PATJ: variants seen among roughly 807,000 people sequenced by gnomAD.
The protein encoded by PATJ is inaD-like protein.
PATJ carries 190 observed loss-of-function variants against 224.9 expected under a neutral mutation model. The ratio of observed to expected loss-of-function variants is 0.84; its 90% CI spans 0.75 to 0.95. PATJ has a LOEUF of 0.95. Ranked by LOEUF, PATJ falls within the 40% of genes least tolerant of loss-of-function variation. The pLI, the probability that PATJ is intolerant of heterozygous loss-of-function variation, is 0.00. For synonymous variants in PATJ, 769 were observed against 820.3 expected (o/e 0.94, Z 1.07); for missense variants, 2,121 against 2,270.3 (o/e 0.93, Z 1.34).
chr1:62,002,709 CAA>C (rs766357883), intron 28 of PATJ, among the ~76,000 whole-genome samples: 9,553 of 112,316 alleles, frequency 0.085, 659 homozygotes, highest in East Asian at 0.46. Flanking sequence ...AACTCTGTCT[CAA>C]AAAAAAAAAA....
At chr1:61,816,790 C>T (rs996438172) in intron 14 of PATJ, among the ~76,000 whole-genome samples, 1 of 152,082 alleles carries the variant, frequency 6.6e-6, no homozygotes, top group Non-Finnish European at 1.5e-5. Context: ...AAGTGGAGAA[C>T]GTAAGACACA....
At chr1:61,894,272 C>CAAA (rs1553194681) in intron 22 of PATJ, among the ~76,000 whole-genome samples, 9 of 144,682 alleles carry the variant, frequency 6.2e-5, no homozygotes, top group East Asian at 2.0e-4. Flanking sequence ...AAAAAAAACA[C>CAAA]AAAAAAAAAA....
At chr1:62,122,179 A>G (rs1392458897) in intron 38 of PATJ, among the ~76,000 whole-genome samples, 2 of 151,822 alleles carry the variant, frequency 1.3e-5, no homozygotes, top group African/African-American at 4.8e-5. Context: ...AGCCTGGCCA[A>G]CATGGAGAAA....
At position 62,055,389 on chromosome 1, in the gene PATJ, A is replaced by G. The variant is rs530214956; in HGVS notation, c.4125+4331A>G. The stretch of plus-strand genomic sequence containing the variant: ...ATATAATATGCTCTTTTGAAGTGGT[A>G]TAATTAAATTAGTAAGAGTGCAATC... On this transcript the variant is annotated intron_variant, in intron 31 of 43. Coordinates refer to ENST00000642238, the MANE Select transcript of PATJ (RefSeq NM_001350145.3). Among the ~76,000 whole-genome samples the G allele has an allele frequency of 5.9e-5, 9 of 152,338 alleles. No individual in the cohort carries two copies. In the South Asian group the frequency reaches 1.9e-3, roughly 32 times the overall value.
intron 27 of PATJ, among the ~76,000 whole-genome samples, chr1:61,940,204 A>G (rs917277013): frequency 6.6e-6 from 1 of 152,154 alleles, no homozygotes; most frequent in Admixed American, 6.5e-5. Context: ...AGCAAGTCGC[A>G]TCTATTTCCT....
intron 14 of PATJ, among the ~76,000 whole-genome samples, chr1:61,817,911 G>C (rs984229526): frequency 6.6e-6 from 1 of 152,078 alleles, no homozygotes; most frequent in Admixed American, 6.5e-5. Context: ...TTGTGTGTGA[G>C]AGTTACAAGA....
At chr1:61,929,698 G>A (rs1185338471) in intron 27 of PATJ, among the ~76,000 whole-genome samples, 1 of 152,110 alleles carries the variant, frequency 6.6e-6, no homozygotes, top group African/African-American at 2.4e-5. Context: ...ATCGATACTT[G>A]CTGTTACTTA....
intron 14 of PATJ, among the ~76,000 whole-genome samples, chr1:61,820,638 G>A (rs950437847): frequency 3.9e-5 from 6 of 152,126 alleles, no homozygotes; most frequent in African/African-American, 9.7e-5. Context: ...TACCACACCC[G>A]GCCTACATTT....
Position 62,125,258 on chromosome 1 carries a change from AAAAAAC to A in PATJ, c.5043+2206_5043+2211del, listed in dbSNP as rs1456746977. On this transcript the variant is annotated intron_variant, in intron 39 of 43. Transcript: ENST00000642238. ...TCTCAAAAAAAAAAAAAAAAACAAA[AAAAAAC>A]AAAAAAAAAACGCCATTAGCTCTAT... Among the ~76,000 whole-genome samples, 247 of 116,516 alleles carry A rather than the reference AAAAAAC, an allele frequency of 2.1e-3. 27 individuals are homozygous for A. Among genetic ancestry groups the A allele is most frequent in the African/African-American group, 6.9e-3 (196 of 28,406 alleles). 76.4% of individuals were successfully genotyped at this position (116,516 alleles called of 152,430 possible).
chr1:61,838,193 G>A (rs575689601), intron 17 of PATJ, among the ~76,000 whole-genome samples: 11 of 152,176 alleles, frequency 7.2e-5, no homozygotes, highest in South Asian at 2.1e-4. Context: ...TCTCAAATAC[G>A]CCTAGCCACT....
intron 27 of PATJ, among the ~76,000 whole-genome samples, chr1:61,974,002 T>G (rs943614777): frequency 6.6e-6 from 1 of 151,878 alleles, no homozygotes; most frequent in African/African-American, 2.4e-5. Context: ...TTTTTTTTCT[T>G]TTTTAAATGG....
rs1342142560 is a variant in PATJ, at chr1:61,998,004, T to TATATATATATA, written c.3867+7640_3867+7641insATATATATATA. Among the ~76,000 whole-genome samples, 125 of 104,600 alleles carry TATATATATATA rather than the reference T, an allele frequency of 1.2e-3. 3 individuals are homozygous for TATATATATATA. Among genetic ancestry groups the TATATATATATA allele is most frequent in the African/African-American group, 5.7e-3 (121 of 21,094 alleles). 68.6% of individuals were successfully genotyped at this position (104,600 alleles called of 152,430 possible). ...AGCTTATATATGTATATATAATATA[T>TATATATATATA]TATATATATTAATTATATATAATAT... On this transcript the variant is annotated intron_variant, in intron 28 of 43. Coordinates refer to ENST00000642238, the MANE Select transcript of PATJ (RefSeq NM_001350145.3).
At position 61,795,540 on chromosome 1, in the gene PATJ, G is replaced by T. The variant is rs960245669; in HGVS notation, c.1242G>T (p.Val414=). The change falls in exon 10 of 44, where the codon GTG becomes GTT. Residue 414 remains valine, a synonymous_variant. Coordinates refer to ENST00000642238, the MANE Select transcript of PATJ (RefSeq NM_001350145.3). ...CGTACCACAATGGCCACATTCAAGT[G>T]AATGACAAAATAGTTGCTGTAAGTA... ...SAAYHNGHIQ[V]NDKIVAVDGV... is the part of the protein sequence containing the mutation. The T allele has an allele frequency of 2.5e-6, 4 of 1,606,966 alleles. No individual in the cohort carries two copies. The African/African-American group carries it at 5.4e-5, about 22-fold the overall frequency.
intron 29 of PATJ, among the ~76,000 whole-genome samples, chr1:62,026,904 T>G (rs924882600): frequency 1.3e-5 from 2 of 152,168 alleles, no homozygotes; most frequent in Non-Finnish European, 2.9e-5. Context: ...GAAGAGATAT[T>G]TCTATTTCCG....
rs938836138 is a variant in PATJ, at chr1:62,007,520, T to C, written c.3868-10336T>C. Among the ~76,000 whole-genome samples the C allele has an allele frequency of 2.0e-5, 3 of 152,172 alleles. No homozygotes were observed. In the East Asian group the frequency reaches 5.8e-4, roughly 29 times the overall value. On this transcript the variant is annotated intron_variant, in intron 28 of 43. Transcript: ENST00000642238. ...CACAAGACTAGGAGATTGAAAGAGG[T>C]ATGTCAGTTAGATTTACAAATTAAT...
chr1:61,966,457 G>A (rs1002749797), intron 27 of PATJ, among the ~76,000 whole-genome samples: 2 of 152,038 alleles, frequency 1.3e-5, no homozygotes, highest in Non-Finnish European at 2.9e-5. Context: ...TGGCCAACCC[G>A]GGTGGGTCAC....
chr1:62,021,899 CG>C (rs1647105621), intron 29 of PATJ, among the ~76,000 whole-genome samples: 1 of 152,130 alleles, frequency 6.6e-6, no homozygotes, highest in South Asian at 2.1e-4. Context: ...TGTGTTATAA[CG>C]TTACTTTGAG....
intron 28 of PATJ, among the ~76,000 whole-genome samples, chr1:62,013,078 C>T (rs1277423414): frequency 1.3e-5 from 2 of 152,260 alleles, no homozygotes; most frequent in East Asian, 3.8e-4. Flanking sequence ...TTTGCCTTTC[C>T]ACTGCCAGAG....
At chr1:61,928,783 A>T (rs1308150335) in intron 27 of PATJ, among the ~76,000 whole-genome samples, 1 of 151,058 alleles carries the variant, frequency 6.6e-6, no homozygotes, top group Admixed American at 6.6e-5. Flanking sequence ...TTTTCTTAAT[A>T]TAATAACGAA....
Sources: gnomAD v4.1 joint callset for allele counts (sites outside exome capture counted in the v4.1 genomes callset) on GRCh38, gnomAD v4.1.1 for gene constraint, MANE v1.5 for transcripts, NCBI Gene and HGNC (gene_info 2026-07-23, HGNC 2026-07-21) for gene names.